RBFOX1: variants seen among roughly 807,000 people sequenced by gnomAD.
RBFOX1 encodes the protein RNA binding fox-1 homolog 1.
RBFOX1 carries 8 observed loss-of-function variants against 57.7 expected under a neutral mutation model. The observed-to-expected ratio is 0.14, with a 90% confidence interval of 0.08 to 0.25. The LOEUF (loss-of-function observed/expected upper bound fraction) is 0.25. Ranked by LOEUF, RBFOX1 falls within the 10% of genes least tolerant of loss-of-function variation. RBFOX1 has a pLI of 1.00. For missense variants in RBFOX1, 611 were observed against 548.5 expected (o/e 1.11, Z -1.14); for synonymous variants, 326 against 222.4 (o/e 1.47, Z -4.15).
intron 4 of RBFOX1, among the ~76,000 whole-genome samples, chr16:5,921,573 C>G (rs1027411631): frequency 6.6e-6 from 1 of 152,096 alleles, no homozygotes; most frequent in African/African-American, 2.4e-5. Flanking sequence ...GCAACTATTT[C>G]TGGAAAGGTA....
intron 4 of RBFOX1, among the ~76,000 whole-genome samples, chr16:7,469,121 A>G (rs933297391): frequency 8.6e-5 from 13 of 152,034 alleles, no homozygotes; most frequent in African/African-American, 3.1e-4. Context: ...TTTTTAGTAG[A>G]GACGGGGTTT....
At chr16:6,908,655 G>A (rs2070733301) in intron 3 of RBFOX1, among the ~76,000 whole-genome samples, 1 of 152,142 alleles carries the variant, frequency 6.6e-6, no homozygotes, top group African/African-American at 2.4e-5. Flanking sequence ...TCCAGAATAT[G>A]GCCCTCTAAT....
At chr16:5,301,150 G>A (rs145038144) in intron 1 of RBFOX1, among the ~76,000 whole-genome samples, 9 of 152,256 alleles carry the variant, frequency 5.9e-5, no homozygotes, top group African/African-American at 1.4e-4. Flanking sequence ...CAGAAAGACC[G>A]TTGCTTCCAT....
chr16:6,958,242 G>C lies in RBFOX1; in HGVS notation c.-15-93815G>C, dbSNP rs142129379. Among the ~76,000 whole-genome samples the C allele has an allele frequency of 1.2e-4, 18 of 152,322 alleles. No individual in the cohort carries two copies. In the South Asian group the frequency reaches 3.7e-3, roughly 32 times the overall value. On this transcript the variant is annotated intron_variant, in intron 3 of 15. Coordinates refer to ENST00000550418, the MANE Select transcript of RBFOX1 (RefSeq NM_018723.4). Reference sequence around the variant, plus strand: ...TGGCCGTCTTTGCTGAGCCCTGCACGATGCAGCCGTTAGCAGGCTGGGCAA... The same window carrying C: ...TGGCCGTCTTTGCTGAGCCCTGCACCATGCAGCCGTTAGCAGGCTGGGCAA...
At chr16:5,683,373 T>C (rs984319997) in intron 3 of RBFOX1, among the ~76,000 whole-genome samples, 2 of 151,910 alleles carry the variant, frequency 1.3e-5, no homozygotes, top group Non-Finnish European at 2.9e-5. Context: ...CAATACTGAG[T>C]GTCAACTTGA....
At chr16:5,786,934 G>A (rs867034209) in intron 3 of RBFOX1, among the ~76,000 whole-genome samples, 2 of 152,140 alleles carry the variant, frequency 1.3e-5, no homozygotes, top group African/African-American at 2.4e-5. Flanking sequence ...TCAGGAGATC[G>A]AGACCAGCCT....
At chr16:5,706,515 T>C (rs1374500694) in intron 3 of RBFOX1, among the ~76,000 whole-genome samples, 1 of 152,152 alleles carries the variant, frequency 6.6e-6, no homozygotes, top group East Asian at 1.9e-4. Context: ...TGGGAGAAAG[T>C]TAGTCATTAA....
At chr16:5,623,816 C>T (rs539673943) in intron 3 of RBFOX1, among the ~76,000 whole-genome samples, 1 of 152,282 alleles carries the variant, frequency 6.6e-6, no homozygotes, top group South Asian at 2.1e-4. Context: ...GAATCCTTCA[C>T]TGTTTATAAA....
intron 4 of RBFOX1, among the ~76,000 whole-genome samples, chr16:7,098,855 A>G (rs979979373): frequency 6.6e-6 from 1 of 152,146 alleles, no homozygotes; most frequent in African/African-American, 2.4e-5. Context: ...TATATTCAAA[A>G]TTTGGTCCTT....
chr16:7,588,331 A>C (rs1356184991), intron 7 of RBFOX1, among the ~76,000 whole-genome samples: 1 of 152,234 alleles, frequency 6.6e-6, no homozygotes, highest in Non-Finnish European at 1.5e-5. Context: ...GCAAGTTCTC[A>C]GGCTCCAGCC....
At chr16:6,286,016 C>T (rs1226204937) in intron 1 of RBFOX1, among the ~76,000 whole-genome samples, 1 of 152,178 alleles carries the variant, frequency 6.6e-6, no homozygotes, top group Non-Finnish European at 1.5e-5. Context: ...AACATTAAGG[C>T]AGGTGACGAG....
In RBFOX1 at chr16:7,495,691, AT is replaced by A. The variant is rs369042148; in HGVS notation, c.28-22454del. On this transcript the variant is annotated intron_variant, in intron 4 of 15. Coordinates refer to ENST00000550418, the MANE Select transcript of RBFOX1 (RefSeq NM_018723.4). ...CAGAATTTATTCAAGTTTTAATATA[AT>A]TCCATCTTTAAGTCTCAGAAACCTT... 4.4e-3 allele frequency among the ~76,000 whole-genome samples: 669 copies of A among 152,272 alleles called. 6 individuals are homozygous for A. Among genetic ancestry groups the A allele is most frequent in the African/African-American group, 0.015 (629 of 41,560 alleles).
intron 2 of RBFOX1, among the ~76,000 whole-genome samples, chr16:6,369,543 G>A (rs1203856843): frequency 6.6e-6 from 1 of 152,180 alleles, no homozygotes; most frequent in Non-Finnish European, 1.5e-5. Context: ...TAGTCCTAAA[G>A]TTGTTGGGAG....
At chr16:7,187,827 C>G (rs1299359136) in intron 4 of RBFOX1, among the ~76,000 whole-genome samples, 1 of 149,928 alleles carries the variant, frequency 6.7e-6, no homozygotes, top group Non-Finnish European at 1.5e-5. Context: ...TTAGAAACAA[C>G]CTAAATTTCT....
chr16:7,281,777 C>A (rs368077266), intron 4 of RBFOX1, among the ~76,000 whole-genome samples: 2 of 152,124 alleles, frequency 1.3e-5, no homozygotes, highest in African/African-American at 2.4e-5. Flanking sequence ...ATCCAGGAGA[C>A]AATCTTGACT....
At chr16:5,887,585 G>A (rs1448683400) in intron 4 of RBFOX1, among the ~76,000 whole-genome samples, 1 of 152,012 alleles carries the variant, frequency 6.6e-6, no homozygotes, top group African/African-American at 2.4e-5. Context: ...TTTCTTTTAA[G>A]TAGAGATGAG....
In RBFOX1 at chr16:6,395,574, CATATAA is replaced by C. The variant is rs1215036457; in HGVS notation, c.-64+78518_-64+78523del. On this transcript the variant is annotated intron_variant, in intron 2 of 15. Transcript: ENST00000550418. ...GTAATGAGCTTTTTGTGTGAAAAAA[CATATAA>C]TTATATACAGAGTTATTACCTTACT... is the stretch of plus-strand genomic sequence containing the variant. 4.4e-5 allele frequency among the ~76,000 whole-genome samples: 6 copies of C among 135,474 alleles called. No homozygotes were observed. The East Asian group carries it at 8.3e-4, about 19-fold the overall frequency. 88.9% of individuals were successfully genotyped at this position (135,474 alleles called of 152,430 possible). A position where few individuals can be genotyped will look rare whatever the true frequency, so the allele number is the denominator to read the frequency against.
rs149513511 is a variant in RBFOX1, at chr16:6,860,134, C to T, written c.-15-191923C>T. 2.5e-3 allele frequency among the ~76,000 whole-genome samples: 380 copies of T among 152,252 alleles called. 7 individuals carry two copies. The highest frequency in any genetic ancestry group is 0.02 in the Admixed American group (313 of 15,292). ...TGAATAGCTGTGCGCTAGCTGTTCA[C>T]TGCTTTCCTGGCATATGTTTTTCTT... On this transcript the variant is annotated intron_variant, in intron 3 of 15. Coordinates refer to ENST00000550418, the MANE Select transcript of RBFOX1 (RefSeq NM_018723.4).
chr16:7,037,844 A>G (rs963942842), intron 3 of RBFOX1, among the ~76,000 whole-genome samples: 13 of 152,180 alleles, frequency 8.5e-5, no homozygotes, highest in African/African-American at 2.9e-4. Context: ...TCTCTCAGTT[A>G]ATATGATCAA....
Sources: gnomAD v4.1 joint callset for allele counts (sites outside exome capture counted in the v4.1 genomes callset) on GRCh38, gnomAD v4.1.1 for gene constraint, MANE v1.5 for transcripts, NCBI Gene and HGNC (gene_info 2026-07-23, HGNC 2026-07-21) for gene names.